LNX1: variants seen among roughly 807,000 people sequenced by gnomAD.
The protein encoded by LNX1 is E3 ubiquitin-protein ligase LNX.
Under a neutral mutation model 68.4 loss-of-function variants are expected in LNX1, and 54 were observed. The observed-to-expected ratio is 0.79, with a 90% CI of 0.63 to 0.99. The LOEUF (loss-of-function observed/expected upper bound fraction) is 0.99. LNX1 is among the 50% of genes least tolerant of loss of function. LNX1 has a pLI of 0.00. For synonymous variants in LNX1, 336 were observed against 350.0 expected (o/e 0.96, Z 0.45); for missense variants, 906 against 926.4 (o/e 0.98, Z 0.29).
At chr4:53,553,971 C>T (rs375751037) in intron 2 of LNX1, among the ~76,000 whole-genome samples, 14 of 152,126 alleles carry the variant, frequency 9.2e-5, no homozygotes, top group African/African-American at 3.1e-4. Context: ...CTAAGGAATC[C>T]GGGAGTAGCC....
chr4:53,558,353 G>T, intron 2 of LNX1: 1 of 882,620 alleles, frequency 1.1e-6, no homozygotes, highest in Non-Finnish European at 1.4e-6. Context: ...GTTGGAAGAG[G>T]ACATGAGCAT....
chr4:53,559,683 T>C (rs1730143785), intron 2 of LNX1, among the ~76,000 whole-genome samples: 1 of 152,164 alleles, frequency 6.6e-6, no homozygotes, highest in African/African-American at 2.4e-5. Context: ...GGTCTTGCTC[T>C]GTCACCCAGG....
At chr4:53,615,587 C>T (rs1014621807) in intron 2 of LNX1, among the ~76,000 whole-genome samples, 9 of 152,146 alleles carry the variant, frequency 5.9e-5, no homozygotes, top group Non-Finnish European at 4.4e-5. Context: ...TGAATGAAAA[C>T]CCATAGAGGA....
chr4:53,617,996 A>G (rs1022835797), upstream of LNX1, among the ~76,000 whole-genome samples: 2 of 152,092 alleles, frequency 1.3e-5, no homozygotes, highest in African/African-American at 4.8e-5. Context: ...GTGTTTGATT[A>G]TTTATTTTTC....
In LNX1 at chr4:53,518,509, A is replaced by C. The variant is rs562226496; in HGVS notation, c.381-10282T>G. Among the ~76,000 whole-genome samples the C allele has an allele frequency of 3.5e-4, 53 of 152,320 alleles. No individual in the cohort carries two copies. In the South Asian group the frequency reaches 6.4e-3, roughly 18 times the overall value. On this transcript the variant is annotated intron_variant, in intron 2 of 10. Coordinates refer to ENST00000263925, the MANE Select transcript of LNX1 (RefSeq NM_001126328.3). Reference sequence around the variant, plus strand: ...TCTCAACTCACAAATTAATAGTAACATAATTACAGCCAACACTTACAGTGC... The same window carrying C: ...TCTCAACTCACAAATTAATAGTAACCTAATTACAGCCAACACTTACAGTGC...
intron 2 of LNX1, among the ~76,000 whole-genome samples, chr4:53,560,382 T>C (rs1468171085): frequency 1.3e-5 from 2 of 152,206 alleles, no homozygotes; most frequent in Non-Finnish European, 2.9e-5. Flanking sequence ...AATGTAAGGT[T>C]TTCTGTTGTT....
In LNX1 at chr4:53,575,446, G is replaced by A. The variant is rs762022988; in HGVS notation, c.-86-1358C>T. The A allele has an allele frequency of 1.4e-4, 129 of 938,798 alleles. 1 individual carries two copies. The highest frequency in any genetic ancestry group is 1.6e-4 in the Non-Finnish European group (123 of 787,574). 58.2% of individuals were successfully genotyped at this position (938,798 alleles called of 1,614,324 possible). A position where few individuals can be genotyped will look rare whatever the true frequency, so the allele number is the denominator to read the frequency against. ...TTTTCAAGCGCCAACTCTGAGCTAG[G>A]TCATGAGTTTGATATGCAGACCTTT... On this transcript the variant is annotated intron_variant, in intron 1 of 10. Transcript: ENST00000263925.
chr4:53,477,288 G>T (rs1723627065), intron 8 of LNX1, among the ~76,000 whole-genome samples: 1 of 152,172 alleles, frequency 6.6e-6, no homozygotes, highest in South Asian at 2.1e-4. Flanking sequence ...TTTAATCAAA[G>T]AAAACCTACT....
At chr4:53,587,362 A>G (rs78988521) in intron 1 of LNX1, among the ~76,000 whole-genome samples, 2,220 of 152,294 alleles carry the variant, frequency 0.015, 39 homozygotes, top group African/African-American at 0.05. Context: ...ATAGTTAATG[A>G]TTAAATCATA....
In LNX1 at chr4:53,460,048, A is replaced by G. The variant is rs565966419; in HGVS notation, c.*859T>C. 89 of 105,196 alleles carry G rather than the reference A, an allele frequency of 8.5e-4. No individual in the cohort carries two copies. The highest frequency in any genetic ancestry group is 1.2e-3 in the Non-Finnish European group (61 of 51,970). The allele number at this position is 105,196 out of a possible 1,614,324, so 6.5% of individuals were successfully genotyped here. A position where few individuals can be genotyped will look rare whatever the true frequency, so the allele number is the denominator to read the frequency against. On this transcript the variant is annotated 3_prime_UTR_variant, in exon 11 of 11. Coordinates refer to ENST00000263925, the MANE Select transcript of LNX1 (RefSeq NM_001126328.3). ...CCTATAAGGCATCTGGGTGGCCTCT[A>G]TGAAATAAATTAATTAATTACCCAT...
At chr4:53,536,166 C>T (rs1728358780) in intron 2 of LNX1, among the ~76,000 whole-genome samples, 2 of 152,196 alleles carry the variant, frequency 1.3e-5, no homozygotes, top group Admixed American at 1.3e-4. Context: ...TGGGTAGACA[C>T]TAAAACCATT....
Position 53,586,693 on chromosome 4 carries a change from G to A in LNX1, c.-87+4695C>T, listed in dbSNP as rs77190821. ...GAGAGAAGTTCTTTCAGATGGATAG[G>A]TGAAGAAGGGCAAAGGCAAAGAGAA... On this transcript the variant is annotated intron_variant, in intron 1 of 10. Coordinates refer to ENST00000263925, the MANE Select transcript of LNX1 (RefSeq NM_001126328.3). Among the ~76,000 whole-genome samples, 864 of 152,304 alleles carry A rather than the reference G, an allele frequency of 5.7e-3. 11 individuals are homozygous for A. The highest frequency in any genetic ancestry group is 0.02 in the African/African-American group (819 of 41,556).
rs60776785 is a variant in LNX1 at position 53,649,657 on chromosome 4, C to A, written c.-215+2511G>T. ...TTCCTGCACACCACTCCCTTTACTC[C>A]CCTTCTAGTCAGTCTTTACCTTGTT... is the stretch of plus-strand genomic sequence containing the variant. On this transcript the variant is annotated intron_variant, in intron 1 of 2. Coordinates refer to the LNX1 transcript ENST00000507168. Among the ~76,000 whole-genome samples the A allele has an allele frequency of 1.4e-3, 219 of 152,304 alleles. 1 individual carries two copies. Among genetic ancestry groups the A allele is most frequent in the African/African-American group, 5.1e-3 (212 of 41,572 alleles).
chr4:53,598,062 T>C (rs1732834025), intron 2 of LNX1, among the ~76,000 whole-genome samples: 1 of 152,152 alleles, frequency 6.6e-6, no homozygotes. Flanking sequence ...ACATGCCTGG[T>C]TGGTTATGGG....
At chr4:53,605,814 A>G (rs545606155) in intron 2 of LNX1, among the ~76,000 whole-genome samples, 2 of 152,294 alleles carry the variant, frequency 1.3e-5, no homozygotes, top group African/African-American at 4.8e-5. Flanking sequence ...CTCTTTATCC[A>G]TCATCTATCA....
intron 10 of LNX1, among the ~76,000 whole-genome samples, 162 bp from the exon 11 acceptor site, chr4:53,461,204 T>G (rs907261881): frequency 6.6e-6 from 1 of 152,260 alleles, no homozygotes; most frequent in Admixed American, 6.5e-5. Flanking sequence ...TTCTCCAAAC[T>G]CACTATCCAT....
At chr4:53,616,377 C>T (rs1733680193) in intron 2 of LNX1, 1 of 152,188 alleles carries the variant, frequency 6.6e-6, no homozygotes, top group African/African-American at 2.4e-5. Flanking sequence ...TGTCCTGCGC[C>T]TGGGTCAGCA....
At chr4:53,514,017 C>T (rs1726556204) in intron 2 of LNX1, among the ~76,000 whole-genome samples, 2 of 152,182 alleles carry the variant, frequency 1.3e-5, no homozygotes, top group Non-Finnish European at 2.9e-5. Context: ...TGCTGCTGCC[C>T]CTGCTGCCTC....
intron 9 of LNX1, among the ~76,000 whole-genome samples, chr4:53,470,694 AACAG>A (rs1723097701): frequency 6.6e-6 from 1 of 152,178 alleles, no homozygotes; most frequent in African/African-American, 2.4e-5. Context: ...ATACACCAAT[AACAG>A]ACAAACAGAG....
Sources: allele counts gnomAD v4.1 joint callset (sites outside exome capture counted in the v4.1 genomes callset), GRCh38; gene constraint gnomAD v4.1.1; transcripts MANE v1.5; gene names NCBI Gene and HGNC (gene_info 2026-07-23, HGNC 2026-07-21).